The following SYT1 variants were observed in gnomAD, a reference collection of about 807,000 sequenced individuals.
SYT1 encodes the protein synaptotagmin 1.
Under a neutral mutation model 44.8 loss-of-function variants are expected in SYT1, and 8 were observed. The observed-to-expected ratio is 0.18, with a 90% CI of 0.10 to 0.32. The LOEUF (loss-of-function observed/expected upper bound fraction) is 0.32, where lower values mean the gene tolerates loss of function less well. Ranked by LOEUF, SYT1 falls within the 10% of genes least tolerant of loss-of-function variation. The pLI is 1.00. For missense variants in SYT1, 286 were observed against 509.3 expected (o/e 0.56, Z 4.22); for synonymous variants, 154 against 188.8 (o/e 0.82, Z 1.51).
chr12:79,337,156 A>G (rs1882128924), intron 8 of SYT1, among the ~76,000 whole-genome samples: 1 of 152,158 alleles, frequency 6.6e-6, no homozygotes, highest in South Asian at 2.1e-4. Context: ...TACAGTCAAT[A>G]TTGCAGTAGA....
intron 3 of SYT1, among the ~76,000 whole-genome samples, chr12:79,096,633 GT>G (rs1160015948): frequency 3.9e-5 from 6 of 151,976 alleles, no homozygotes; most frequent in South Asian, 2.1e-4. Context: ...GAAATAAGCA[GT>G]ATGTTAAAAG....
intron 7 of SYT1, among the ~76,000 whole-genome samples, chr12:79,296,503 G>A (rs937273455): frequency 2.0e-4 from 31 of 152,242 alleles, no homozygotes; most frequent in African/African-American, 7.2e-4. Flanking sequence ...TAAAAAGTGA[G>A]ATCCCTCCCT....
At chr12:79,334,552 T>C (rs1019743017) in intron 8 of SYT1, among the ~76,000 whole-genome samples, 1 of 152,104 alleles carries the variant, frequency 6.6e-6, no homozygotes, top group African/African-American at 2.4e-5. Flanking sequence ...ACCAGGCAGA[T>C]GAAGCAGCAC....
chr12:79,448,847 C>A, intron 10 of SYT1, 71 bp from the exon 11 acceptor site: 1 of 1,411,678 alleles, frequency 7.1e-7, no homozygotes, highest in Non-Finnish European at 9.9e-7. Context: ...CTTTAGCGCT[C>A]AAGGACGCTT....
In SYT1 at chr12:79,245,483, AAAAAAAG is replaced by A. The variant is rs1243936425; in HGVS notation, c.166+27803_166+27809del. Among the ~76,000 whole-genome samples the A allele has an allele frequency of 3.8e-3, 571 of 150,246 alleles. 5 individuals are homozygous for A. The highest frequency in any genetic ancestry group is 8.7e-3 in the African/African-American group (355 of 40,984). ...GCGAGACTCCGTCAACAAAAAAAAA[AAAAAAAG>A]AAAAGAAAAAAGAAAAAAAAAACTT... On this transcript the variant is annotated intron_variant, in intron 4 of 10. Transcript: ENST00000261205.
intron 1 of SYT1, among the ~76,000 whole-genome samples, chr12:78,911,242 G>C (rs1253956400): frequency 1.3e-5 from 2 of 151,982 alleles, no homozygotes; most frequent in African/African-American, 4.8e-5. Flanking sequence ...TGAGTGTGTG[G>C]GAAGGCTGTG....
At chr12:78,923,065 C>T (rs550434480) in intron 1 of SYT1, among the ~76,000 whole-genome samples, 1 of 151,926 alleles carries the variant, frequency 6.6e-6, no homozygotes, top group Non-Finnish European at 1.5e-5. Flanking sequence ...ATGTAAGGAG[C>T]ACCCCTTTTA....
chr12:79,112,129 C>T (rs1879047768), intron 3 of SYT1, among the ~76,000 whole-genome samples: 1 of 151,656 alleles, frequency 6.6e-6, no homozygotes, highest in Admixed American at 6.6e-5. Context: ...TTAATCTATG[C>T]ACCAGCCTTA....
rs960691733 is a variant in SYT1, at chr12:78,951,770, T to A, written c.-216-26029T>A. ...CCAGATGAATGACCAGATTTTTTTG[T>A]TCACCTGAGTGGGTATTTTGCCATT... On this transcript the variant is annotated intron_variant, in intron 1 of 10. Transcript: ENST00000261205. 3.9e-5 allele frequency among the ~76,000 whole-genome samples: 6 copies of A among 152,150 alleles called. No individual in the cohort carries two copies. In the South Asian group the frequency reaches 1.0e-3, roughly 26 times the overall value.
chr12:78,951,476 A>T lies in SYT1; in HGVS notation c.-216-26323A>T, dbSNP rs774008390. ...AAGGTGAAAATATAGTCCAAAGTTC[A>T]TTTTGAGTTATAATACAGAAGACAT... On this transcript the variant is annotated intron_variant, in intron 1 of 10. Coordinates refer to ENST00000261205, the MANE Select transcript of SYT1 (RefSeq NM_005639.3). Among the ~76,000 whole-genome samples the T allele has an allele frequency of 4.7e-4, 71 of 152,260 alleles. 1 individual carries two copies. The highest frequency in any genetic ancestry group is 9.8e-4 in the Admixed American group (15 of 15,272).
chr12:79,120,553 A>C (rs963530365), intron 3 of SYT1, among the ~76,000 whole-genome samples: 12 of 152,196 alleles, frequency 7.9e-5, no homozygotes, highest in Non-Finnish European at 1.8e-4. Flanking sequence ...AGTTATCAAA[A>C]CTAACACATT....
At chr12:78,876,557 G>GTA (rs903667322) in intron 1 of SYT1, among the ~76,000 whole-genome samples, 24 of 127,328 alleles carry the variant, frequency 1.9e-4, no homozygotes, top group East Asian at 2.4e-4. Flanking sequence ...ATGAGTGTGT[G>GTA]TATATATATA....
chr12:78,929,986 ATAAGTGAGATC>A (rs1263364818), intron 1 of SYT1, among the ~76,000 whole-genome samples: 1 of 152,110 alleles, frequency 6.6e-6, no homozygotes, highest in Admixed American at 6.6e-5. Flanking sequence ...GATTACACTA[ATAAGTGAGATC>A]TAAGAGGACA....
At chr12:79,348,994 A>AAG (rs1565919716) in intron 8 of SYT1, among the ~76,000 whole-genome samples, 17 of 80,500 alleles carry the variant, frequency 2.1e-4, no homozygotes, top group Middle Eastern at 5.0e-3. Context: ...AAAGAAAGAG[A>AAG]GAAGGAAAGA....
At chr12:79,368,808 A>C (rs1402033350) in intron 9 of SYT1, among the ~76,000 whole-genome samples, 1,898 of 110,688 alleles carry the variant, frequency 0.017, no homozygotes, top group South Asian at 0.029. Flanking sequence ...GCCCTTTGTC[A>C]GATGAGCAGG....
intron 3 of SYT1, among the ~76,000 whole-genome samples, chr12:79,209,411 G>A (rs182633788): frequency 6.6e-6 from 1 of 152,244 alleles, no homozygotes; most frequent in African/African-American, 2.4e-5. Flanking sequence ...TAGTTTACTA[G>A]GAAATGTTCT....
At chr12:79,157,321 CA>C (rs1332556908) in intron 3 of SYT1, among the ~76,000 whole-genome samples, 3 of 152,132 alleles carry the variant, frequency 2.0e-5, no homozygotes, top group Non-Finnish European at 2.9e-5. Context: ...AGTATGACAC[CA>C]GGTTATGCAC....
intron 2 of SYT1, among the ~76,000 whole-genome samples, chr12:79,046,829 TGAG>T (rs1874101670): frequency 6.6e-6 from 1 of 151,964 alleles, no homozygotes; most frequent in African/African-American, 2.4e-5. Context: ...TATAACATAT[TGAG>T]GTGTTTCTAA....
intron 4 of SYT1, among the ~76,000 whole-genome samples, chr12:79,252,251 A>G (rs1192784463): frequency 2.6e-5 from 4 of 152,176 alleles, no homozygotes; most frequent in African/African-American, 9.7e-5. Context: ...TATTGTACAT[A>G]TTAAATGCAT....
Sources: gnomAD v4.1 joint callset for allele counts (sites outside exome capture counted in the v4.1 genomes callset) on GRCh38, gnomAD v4.1.1 for gene constraint, MANE v1.5 for transcripts, NCBI Gene and HGNC (gene_info 2026-07-23, HGNC 2026-07-21) for gene names.